The following TOX variants were observed in gnomAD, a reference collection of about 807,000 sequenced individuals.
TOX encodes the protein thymocyte selection-associated high mobility group box protein TOX.
A neutral mutation model predicts 53.7 loss-of-function variants in TOX; 11 were observed. That is an observed-to-expected ratio of 0.20 (90% confidence interval 0.13 to 0.34). The LOEUF is 0.34. Among genes scored for constraint, TOX ranks in the 10% least tolerant of loss-of-function variants. TOX has a pLI of 1.00. For missense variants in TOX, 570 were observed against 664.6 expected, an observed-to-expected ratio of 0.86 and a Z score of 1.56; for synonymous variants, 225 against 245.3, an observed-to-expected ratio of 0.92 and a Z score of 0.77.
chr8:58,928,506 A>G (rs1225462079), intron 3 of TOX, among the ~76,000 whole-genome samples: 1 of 145,970 alleles, frequency 6.9e-6, no homozygotes, highest in Non-Finnish European at 1.6e-5. Context: ...ATGAATGCGT[A>G]GAGAGACAGA....
intron 1 of TOX, among the ~76,000 whole-genome samples, chr8:58,961,239 A>C (rs1000255213): frequency 2.0e-5 from 3 of 152,180 alleles, no homozygotes; most frequent in African/African-American, 7.2e-5. Context: ...AATTCACGTC[A>C]ACATAAGCTG....
chr8:58,957,790 T>A (rs1395609129), intron 2 of TOX, among the ~76,000 whole-genome samples: 1 of 152,212 alleles, frequency 6.6e-6, no homozygotes, highest in Non-Finnish European at 1.5e-5. Context: ...TTTGATGTTA[T>A]GTAGGAAAAG....
At chr8:58,995,518 T>C (rs1263952409) in intron 1 of TOX, among the ~76,000 whole-genome samples, 1 of 152,198 alleles carries the variant, frequency 6.6e-6, no homozygotes, top group Non-Finnish European at 1.5e-5. Context: ...TTATTATTTA[T>C]ATCAAATTGA....
chr8:58,942,552 T>C (rs1036568601), intron 2 of TOX, among the ~76,000 whole-genome samples: 3 of 152,150 alleles, frequency 2.0e-5, no homozygotes, highest in African/African-American at 4.8e-5. Flanking sequence ...ATAGTGGTAA[T>C]TGTATAAATG....
At chr8:58,956,693 G>T (rs1050562540) in intron 2 of TOX, among the ~76,000 whole-genome samples, 2 of 152,070 alleles carry the variant, frequency 1.3e-5, no homozygotes, top group Non-Finnish European at 2.9e-5. Flanking sequence ...CCTCCACCTC[G>T]TGGGTTCAAG....
At chr8:58,832,572 G>T (rs926424243) in intron 5 of TOX, among the ~76,000 whole-genome samples, 3 of 152,152 alleles carry the variant, frequency 2.0e-5, no homozygotes, top group African/African-American at 7.2e-5. Flanking sequence ...AGGAGGAAAT[G>T]ATTTGATTCT....
At chr8:58,998,578 T>TG (rs1319326373) in intron 1 of TOX, among the ~76,000 whole-genome samples, 1 of 133,652 alleles carries the variant, frequency 7.5e-6, no homozygotes, top group African/African-American at 3.0e-5. Context: ...AATGTATATA[T>TG]AATAAATTTA....
At chr8:58,942,518 G>A (rs1406733865) in intron 2 of TOX, among the ~76,000 whole-genome samples, 4 of 152,078 alleles carry the variant, frequency 2.6e-5, no homozygotes, top group African/African-American at 9.7e-5. Flanking sequence ...GCCTATTACA[G>A]TGTAATTGAT....
At chr8:58,818,699 T>C (rs868432646) in intron 6 of TOX, among the ~76,000 whole-genome samples, 2 of 152,192 alleles carry the variant, frequency 1.3e-5, no homozygotes, top group Non-Finnish European at 2.9e-5. Context: ...CCTCTTCCCA[T>C]GGAGTGAGGA....
Position 58,851,478 on chromosome 8 carries a change from G to A in TOX, c.693+46C>T. ...GTACCCAGCACAGGTCAAAGAAGGT[G>A]CCTAAGAATAGTCTCCCATAGGTCC... On this transcript the variant is annotated intron_variant, in intron 4 of 8. Transcript: ENST00000361421. The surrounding 1 kb of genome is among the most constrained non-coding windows in gnomAD (Gnocchi z 4.4). 2 of 1,597,034 alleles carry A rather than the reference G, an allele frequency of 1.3e-6. No homozygotes were observed. Among genetic ancestry groups the A allele is most frequent in the Non-Finnish European group, 1.7e-6 (2 of 1,169,344 alleles).
intron 2 of TOX, among the ~76,000 whole-genome samples, chr8:58,952,051 C>T (rs1377986492): frequency 2.6e-5 from 4 of 152,118 alleles, no homozygotes; most frequent in Non-Finnish European, 5.9e-5. Context: ...TAGGTCTGCT[C>T]CCAAACTGAG....
At chr8:59,024,156 C>T (rs1814193207) in intron 1 of TOX, among the ~76,000 whole-genome samples, 3 of 152,150 alleles carry the variant, frequency 2.0e-5, no homozygotes, top group Admixed American at 2.0e-4. Context: ...AGCCTCAGAC[C>T]TCTGAATCTG....
At chr8:58,810,942 T>C (rs1052304689) in intron 7 of TOX, among the ~76,000 whole-genome samples, 1 of 152,188 alleles carries the variant, frequency 6.6e-6, no homozygotes, top group Admixed American at 6.5e-5. Context: ...ATGAGTGACT[T>C]CAGTTTACAA....
intron 1 of TOX, among the ~76,000 whole-genome samples, chr8:59,042,497 C>G (rs1803609463): frequency 6.6e-6 from 1 of 152,178 alleles, no homozygotes; most frequent in East Asian, 1.9e-4. Flanking sequence ...TTTATAGGAA[C>G]TATTTGCATT....
intron 4 of TOX, among the ~76,000 whole-genome samples, chr8:58,838,886 G>T (rs1437815368): frequency 1.3e-5 from 2 of 151,836 alleles, no homozygotes; most frequent in Non-Finnish European, 2.9e-5. Flanking sequence ...TATTTTAGTA[G>T]AGATGGGTTT....
chr8:58,815,238 C>T (rs1284200747), intron 7 of TOX, 100 bp downstream of exon 7: 1 of 1,427,902 alleles, frequency 7.0e-7, no homozygotes, highest in Non-Finnish European at 9.3e-7. Context: ...ATAGAAAACA[C>T]ATATCCCCAA....
intron 2 of TOX, among the ~76,000 whole-genome samples, chr8:58,947,589 A>G (rs1290022951): frequency 6.6e-6 from 1 of 152,210 alleles, no homozygotes; most frequent in Non-Finnish European, 1.5e-5. Flanking sequence ...AGTCCAATAA[A>G]AATCTCTCTA....
intron 3 of TOX, among the ~76,000 whole-genome samples, chr8:58,907,270 G>T (rs1811831789): frequency 6.6e-6 from 1 of 152,144 alleles, no homozygotes; most frequent in Non-Finnish European, 1.5e-5. Flanking sequence ...GGGTCCATTG[G>T]ACTTGATAAT....
At chr8:59,064,567 TC>T (rs1262588525) in intron 1 of TOX, among the ~76,000 whole-genome samples, 1 of 152,212 alleles carries the variant, frequency 6.6e-6, no homozygotes, top group Admixed American at 6.5e-5. Flanking sequence ...GTAGTTTTTT[TC>T]AAAAATAAAC....
Sources: gnomAD v4.1 joint callset for allele counts (sites outside exome capture counted in the v4.1 genomes callset) on GRCh38, gnomAD v4.1.1 for gene constraint, Gnocchi (gnomAD v3.1) non-coding constraint, MANE v1.5 for transcripts, NCBI Gene and HGNC (gene_info 2026-07-23, HGNC 2026-07-21) for gene names.